Variants in TRMT9B observed in about 807,000 individuals in gnomAD.
TRMT9B encodes the protein tRNA methyltransferase 9B (putative).
In TRMT9B, 16 loss-of-function variants were observed where a neutral mutation model predicts 11.5. That is an observed-to-expected ratio of 1.39 (90% CI 0.94 to 2.11). TRMT9B has a LOEUF of 2.11. Ranked by LOEUF, TRMT9B falls within the 30% of genes most tolerant of loss-of-function variation. The pLI is 0.00. For synonymous variants in TRMT9B, 274 were observed against 192.4 expected (o/e 1.42, Z -3.51); for missense variants, 941 against 553.8 (o/e 1.70, Z -7.02).
chr8:12,969,038 C>G (rs1277055930), intron 1 of TRMT9B, among the ~76,000 whole-genome samples: 1 of 152,106 alleles, frequency 6.6e-6, no homozygotes, highest in African/African-American at 2.4e-5. Flanking sequence ...ATGGTGAAAC[C>G]CCATCTCTAC....
intron 1 of TRMT9B, among the ~76,000 whole-genome samples, chr8:12,951,075 C>T (rs1183335210): frequency 1.3e-5 from 2 of 152,116 alleles, no homozygotes; most frequent in African/African-American, 4.8e-5. Context: ...AAGTAGTTAA[C>T]GCTATTGTCA....
chr8:13,004,101 G>A (rs972589584), intron 2 of TRMT9B, among the ~76,000 whole-genome samples: 1 of 151,948 alleles, frequency 6.6e-6, no homozygotes, highest in African/African-American at 2.4e-5. Flanking sequence ...TGCCCACAGA[G>A]GGAGCATTTA....
rs1222612829 is a variant in TRMT9B, at chr8:13,029,653, T to C, written c.*7609T>C. 1.3e-5 allele frequency: 2 copies of C among 158,684 alleles called. No homozygotes were observed. Among genetic ancestry groups the C allele is most frequent in the Admixed American group, 6.5e-5 (1 of 15,284 alleles). The allele number at this position is 158,684 out of a possible 1,614,324, so 9.8% of individuals were successfully genotyped here. On this transcript the variant is annotated 3_prime_UTR_variant, in exon 5 of 5. Transcript: ENST00000524591. The stretch of plus-strand genomic sequence containing the variant: ...GCAAGTTCGTATTTGAATTCTGTTA[T>C]ATTTATCTAAGGGAAGCAAAATTAA...
Position 13,024,777 on chromosome 8 carries a change from T to C in TRMT9B, c.*2733T>C, listed in dbSNP as rs1048399413. The C allele has an allele frequency of 6.0e-5, 10 of 167,040 alleles. No individual in the cohort carries two copies. The highest frequency in any genetic ancestry group is 1.7e-4 in the African/African-American group (7 of 41,462). 10.3% of individuals were successfully genotyped at this position (167,040 alleles called of 1,614,324 possible). A position where few individuals can be genotyped will look rare whatever the true frequency, so the allele number is the denominator to read the frequency against. ...TGACTAATAAGTCTTTTACTCTTCA[T>C]CTAATGAACATAAGAATCTATGCAT... On this transcript the variant is annotated 3_prime_UTR_variant, in exon 5 of 5. Coordinates refer to ENST00000524591, the MANE Select transcript of TRMT9B (RefSeq NM_020844.3).
At chr8:13,019,453 A>T (rs536909407) in intron 4 of TRMT9B, among the ~76,000 whole-genome samples, 4 of 152,148 alleles carry the variant, frequency 2.6e-5, no homozygotes, top group Non-Finnish European at 4.4e-5. Flanking sequence ...CAATGCACCC[A>T]GTTAATTTTT....
intron 1 of TRMT9B, among the ~76,000 whole-genome samples, chr8:12,980,139 C>G (rs556726415): frequency 1.3e-5 from 2 of 152,282 alleles, no homozygotes; most frequent in South Asian, 4.2e-4. Context: ...AATGTATTCT[C>G]TTGCAGCTCA....
chr8:12,990,907 A>G lies in TRMT9B; in HGVS notation c.-126A>G, dbSNP rs1006115204. The G allele has an allele frequency of 3.9e-6, 5 of 1,289,402 alleles. No individual in the cohort carries two copies. Among genetic ancestry groups the G allele is most frequent in the East Asian group, 5.5e-5 (1 of 18,046 alleles). The allele number at this position is 1,289,402 out of a possible 1,614,324, so 79.9% of individuals were successfully genotyped here. ...GACCGCACTATTTCATTTCACTCCT[A>G]CAAGTTTTCATTTACGTTACACATT... On this transcript the variant is annotated 5_prime_UTR_variant, in exon 2 of 5. Transcript: ENST00000524591.
At chr8:12,991,303 A>G (rs1014381154) in intron 2 of TRMT9B, among the ~76,000 whole-genome samples, 6 of 152,234 alleles carry the variant, frequency 3.9e-5, no homozygotes, top group African/African-American at 1.2e-4. Flanking sequence ...TGAGATTTTT[A>G]TCACACAAAA....
intron 1 of TRMT9B, among the ~76,000 whole-genome samples, chr8:12,950,431 G>A (rs1219238517): frequency 2.0e-5 from 3 of 152,184 alleles, no homozygotes; most frequent in African/African-American, 4.8e-5. Flanking sequence ...TTCTGTGTCC[G>A]AAGACATATT....
At chr8:12,978,437 G>C (rs1460559970) in intron 1 of TRMT9B, among the ~76,000 whole-genome samples, 3 of 151,970 alleles carry the variant, frequency 2.0e-5, no homozygotes, top group Admixed American at 2.0e-4. Context: ...AACTGTCTTG[G>C]TACATTTGTT....
chr8:12,981,906 A>G (rs1805456057), intron 1 of TRMT9B, among the ~76,000 whole-genome samples: 1 of 152,138 alleles, frequency 6.6e-6, no homozygotes, highest in African/African-American at 2.4e-5. Flanking sequence ...CTGTAGTGAA[A>G]TGAGAAAATT....
chr8:12,957,805 T>C (rs535967060), intron 1 of TRMT9B, among the ~76,000 whole-genome samples: 16 of 152,356 alleles, frequency 1.1e-4, no homozygotes, highest in African/African-American at 3.4e-4. Context: ...TAGAATGAAG[T>C]GTACTATTTT....
At position 13,023,601 on chromosome 8, in the gene TRMT9B, T is replaced by G. The variant is rs1426022217; in HGVS notation, c.*1557T>G. 6.0e-6 allele frequency: 1 copy of G among 167,060 alleles called. No homozygotes were observed. The highest frequency in any genetic ancestry group is 1.5e-5 in the Non-Finnish European group (1 of 68,120). The allele number at this position is 167,060 out of a possible 1,614,324, so 10.3% of individuals were successfully genotyped here. On this transcript the variant is annotated 3_prime_UTR_variant, in exon 5 of 5. Coordinates refer to ENST00000524591, the MANE Select transcript of TRMT9B (RefSeq NM_020844.3). ...GGTCTAGAGACAGGAGAAGCAGAAA[T>G]AAGTTGACCCAGGAGTACAGTCTCA...
At chr8:12,988,689 A>G (rs554873197) in intron 1 of TRMT9B, among the ~76,000 whole-genome samples, 6 of 152,316 alleles carry the variant, frequency 3.9e-5, no homozygotes, top group South Asian at 4.1e-4. Flanking sequence ...AACCACCCCT[A>G]TGATTCAATT....
intron 3 of TRMT9B, chr8:13,007,449 A>T (rs1810693517): frequency 1.3e-5 from 2 of 152,184 alleles, no homozygotes; most frequent in African/African-American, 4.8e-5. Context: ...TGCTGACTGC[A>T]CCTATGAGTC....
At chr8:12,993,853 A>G (rs972970089) in intron 2 of TRMT9B, among the ~76,000 whole-genome samples, 2 of 152,230 alleles carry the variant, frequency 1.3e-5, no homozygotes, top group Non-Finnish European at 1.5e-5. Context: ...ACATGTCAAA[A>G]TCAACTAAAG....
In TRMT9B at chr8:13,023,450, G is replaced by C. The variant is rs1413550508; in HGVS notation, c.*1406G>C. The C allele has an allele frequency of 1.2e-5, 2 of 167,048 alleles. No homozygotes were observed. Among genetic ancestry groups the C allele is most frequent in the African/African-American group, 2.4e-5 (1 of 41,446 alleles). 10.3% of individuals were successfully genotyped at this position (167,048 alleles called of 1,614,324 possible). ...GTAGAATCAACTTCTACTGATTACA[G>C]GTTGAATTTCTGTCACTTTGTAGAG... On this transcript the variant is annotated 3_prime_UTR_variant, in exon 5 of 5. Transcript: ENST00000524591.
chr8:12,996,831 C>G (rs1468315109), intron 2 of TRMT9B, among the ~76,000 whole-genome samples: 1 of 152,072 alleles, frequency 6.6e-6, no homozygotes, highest in Non-Finnish European at 1.5e-5. Flanking sequence ...TATCAGCACC[C>G]CAGGACCACC....
rs1814660579 is a variant in TRMT9B, at chr8:13,026,146, C to G, written c.*4102C>G. 6.0e-6 allele frequency: 1 copy of G among 167,086 alleles called. No homozygotes were observed. Among genetic ancestry groups the G allele is most frequent in the South Asian group, 2.1e-4 (1 of 4,832 alleles). The allele number at this position is 167,086 out of a possible 1,614,324, so 10.4% of individuals were successfully genotyped here. ...GAAGGAGGAAATGGGAACCAACCAC[C>G]AGACAAGCAGCTGCAGTCTAAGAAA... On this transcript the variant is annotated 3_prime_UTR_variant, in exon 5 of 5. Coordinates refer to ENST00000524591, the MANE Select transcript of TRMT9B (RefSeq NM_020844.3).
Sources: gnomAD v4.1 joint callset for allele counts (sites outside exome capture counted in the v4.1 genomes callset) on GRCh38, gnomAD v4.1.1 for gene constraint, MANE v1.5 for transcripts, NCBI Gene and HGNC (gene_info 2026-07-23, HGNC 2026-07-21) for gene names.